The following ACYP2 variants were observed in gnomAD, a reference collection of about 807,000 sequenced individuals.
ACYP2 encodes the protein acylphosphatase-2.
A neutral mutation model predicts 11.2 loss-of-function variants in ACYP2; 12 were observed. That is an observed-to-expected ratio of 1.08 (90% CI 0.69 to 1.74). ACYP2 has a LOEUF of 1.74. Ranked by LOEUF, ACYP2 falls within the 40% of genes most tolerant of loss-of-function variation. ACYP2 has a pLI of 0.00. For synonymous variants in ACYP2, 43 were observed against 32.2 expected, an observed-to-expected ratio of 1.33 and a Z score of -1.13; for missense variants, 134 against 101.9, an observed-to-expected ratio of 1.31 and a Z score of -1.35.
chr2:54,199,666 C>G (rs1418673830), intron 6 of ACYP2, among the ~76,000 whole-genome samples: 1 of 152,168 alleles, frequency 6.6e-6, no homozygotes, highest in East Asian at 1.9e-4. Context: ...AGGCTTATTA[C>G]TTAGGAAGAT....
At chr2:54,057,675 T>TTA (rs747338401) in intron 4 of ACYP2, among the ~76,000 whole-genome samples, 4 of 152,160 alleles carry the variant, frequency 2.6e-5, no homozygotes, top group African/African-American at 7.2e-5. Context: ...CTTTACTGTT[T>TTA]TATATATATA....
intron 4 of ACYP2, among the ~76,000 whole-genome samples, chr2:54,131,338 G>A (rs1680886616): frequency 2.0e-5 from 3 of 152,294 alleles, no homozygotes; most frequent in African/African-American, 4.8e-5. Flanking sequence ...ATAGGCTAAT[G>A]GTCTTTGTCA....
At chr2:54,072,804 C>T (rs1416593273) in intron 4 of ACYP2, among the ~76,000 whole-genome samples, 2 of 152,072 alleles carry the variant, frequency 1.3e-5, no homozygotes, top group Non-Finnish European at 2.9e-5. Flanking sequence ...CTCAAATGAT[C>T]TGCCTGCCTC....
At chr2:54,230,264 T>C (rs1350355008) in intron 6 of ACYP2, among the ~76,000 whole-genome samples, 1 of 152,184 alleles carries the variant, frequency 6.6e-6, no homozygotes, top group Admixed American at 6.5e-5. Flanking sequence ...AAAGAAACAA[T>C]TTACAACCCC....
At chr2:54,107,413 CTCTTTG>C (rs1679223638) in intron 4 of ACYP2, among the ~76,000 whole-genome samples, 1 of 151,838 alleles carries the variant, frequency 6.6e-6, no homozygotes. Flanking sequence ...TTTATTTCTT[CTCTTTG>C]TAAGTGTTGA....
intron 2 of ACYP2, among the ~76,000 whole-genome samples, chr2:54,001,095 C>G (rs1302466960): frequency 6.6e-6 from 1 of 152,064 alleles, no homozygotes; most frequent in African/African-American, 2.4e-5. Flanking sequence ...TGCCTTGTGC[C>G]TATAATTTTA....
intron 6 of ACYP2, among the ~76,000 whole-genome samples, chr2:54,182,446 C>T (rs1322327085): frequency 1.3e-5 from 2 of 152,118 alleles, no homozygotes; most frequent in East Asian, 3.9e-4. Context: ...GGCTCAAGCA[C>T]TTCTCTCACC....
At chr2:54,270,715 C>T (rs1448534600) in intron 6 of ACYP2, among the ~76,000 whole-genome samples, 1 of 152,174 alleles carries the variant, frequency 6.6e-6, no homozygotes, top group East Asian at 1.9e-4. Flanking sequence ...TTTATTTCTA[C>T]ATGTCTTACA....
intron 2 of ACYP2, among the ~76,000 whole-genome samples, chr2:54,000,340 A>G (rs553103951): frequency 9.8e-4 from 149 of 152,292 alleles, no homozygotes; most frequent in African/African-American, 3.5e-3. Flanking sequence ...CAGAGGTGTG[A>G]GGAAGAGAAA....
At chr2:54,034,621 A>G (rs1674773991) in intron 2 of ACYP2, among the ~76,000 whole-genome samples, 1 of 152,226 alleles carries the variant, frequency 6.6e-6, no homozygotes, top group South Asian at 2.1e-4. Context: ...TGCATTTCTC[A>G]GAACATATTC....
intron 3 of ACYP2, chr2:54,051,161 C>G (rs558787916): frequency 2.8e-6 from 2 of 702,094 alleles, no homozygotes; most frequent in African/African-American, 1.8e-5. Flanking sequence ...AAGTGAGAAC[C>G]AGACAGGCAT....
intron 5 of ACYP2, 25 bp downstream of exon 2, chr2:54,135,494 T>C: frequency 6.3e-7 from 1 of 1,598,406 alleles, no homozygotes; most frequent in South Asian, 1.1e-5. Context: ...TCTTTATTAT[T>C]TTGCTATTTT....
At chr2:54,257,675 A>T (rs562604377) in intron 6 of ACYP2, among the ~76,000 whole-genome samples, 1 of 152,364 alleles carries the variant, frequency 6.6e-6, no homozygotes, top group South Asian at 2.1e-4. Flanking sequence ...AAAAGGAGAG[A>T]GAAAATAAGC....
At chr2:54,029,425 A>G (rs1674465663) in intron 2 of ACYP2, 1 of 214,920 alleles carries the variant, frequency 4.7e-6, no homozygotes, top group Non-Finnish European at 9.3e-6. Flanking sequence ...ATATACATAT[A>G]TATACACACA....
At chr2:54,196,321 T>A (rs1207715963) in intron 6 of ACYP2, among the ~76,000 whole-genome samples, 1 of 152,202 alleles carries the variant, frequency 6.6e-6, no homozygotes, top group Admixed American at 6.5e-5. Flanking sequence ...CAAGCCATCC[T>A]CCCACCTCAG....
chr2:54,272,408 C>T (rs843741), intron 6 of ACYP2, among the ~76,000 whole-genome samples: 110,213 of 152,084 alleles, frequency 0.72, 40,578 homozygotes, highest in African/African-American at 0.84. Context: ...ATCCGCTCGC[C>T]TGCATCTGTG....
intron 4 of ACYP2, among the ~76,000 whole-genome samples, chr2:54,087,594 G>C (rs1196881327): frequency 1.3e-5 from 2 of 152,258 alleles, no homozygotes; most frequent in East Asian, 3.9e-4. Context: ...CAAGCAATCT[G>C]TCTGCCTTGG....
intron 6 of ACYP2, among the ~76,000 whole-genome samples, chr2:54,281,498 C>T (rs1212735006): frequency 6.6e-6 from 1 of 152,130 alleles, no homozygotes; most frequent in East Asian, 1.9e-4. Flanking sequence ...GGTGGCTAGA[C>T]AAGATTTCAG....
chr2:54,203,735 C>T (rs1324864267), intron 6 of ACYP2, among the ~76,000 whole-genome samples: 2 of 151,382 alleles, frequency 1.3e-5, no homozygotes, highest in African/African-American at 4.8e-5. Context: ...TTTCCTTTTT[C>T]TACTAATATG....
Sources: gnomAD v4.1 joint callset for allele counts (sites outside exome capture counted in the v4.1 genomes callset) on GRCh38, gnomAD v4.1.1 for gene constraint, MANE v1.5 for transcripts, NCBI Gene and HGNC (gene_info 2026-07-23, HGNC 2026-07-21) for gene names.